Variants in NRXN3 observed in about 807,000 individuals in gnomAD.
NRXN3 encodes neurexin III.
A neutral mutation model predicts 137.6 loss-of-function variants in NRXN3; 32 were observed. The ratio of observed to expected loss-of-function variants is 0.23; its 90% CI spans 0.18 to 0.31. The LOEUF is 0.31. Among genes scored for constraint, NRXN3 ranks in the 10% least tolerant of loss-of-function variants. The pLI is 1.00. For missense variants in NRXN3, 1,574 were observed against 2,062.5 expected (o/e 0.76, Z 4.59); for synonymous variants, 798 against 784.5 (o/e 1.02, Z -0.29).
At chr14:78,496,107 G>A (rs1429970508) in intron 4 of NRXN3, among the ~76,000 whole-genome samples, 1 of 152,150 alleles carries the variant, frequency 6.6e-6, no homozygotes. Flanking sequence ...TAATGACCTG[G>A]ATAGAGTCCC....
At chr14:79,422,861 G>A (rs902466943) in intron 15 of NRXN3, among the ~76,000 whole-genome samples, 7 of 151,678 alleles carry the variant, frequency 4.6e-5, no homozygotes, top group East Asian at 3.9e-4. Flanking sequence ...CACCATGCCC[G>A]GCTAATTTTT....
At chr14:79,675,560 A>G (rs914700635) in intron 17 of NRXN3, among the ~76,000 whole-genome samples, 1 of 152,100 alleles carries the variant, frequency 6.6e-6, no homozygotes, top group African/African-American at 2.4e-5. Context: ...TCTGTTTGGA[A>G]TAAAGAGAGC....
chr14:78,418,398 G>A (rs2093264343), intron 4 of NRXN3, among the ~76,000 whole-genome samples: 1 of 152,120 alleles, frequency 6.6e-6, no homozygotes, highest in Admixed American at 6.5e-5. Context: ...TAGAAATAAG[G>A]AATCTTGGAG....
intron 19 of NRXN3, among the ~76,000 whole-genome samples, chr14:79,730,337 C>T (rs1220360092): frequency 1.3e-5 from 2 of 152,084 alleles, no homozygotes; most frequent in Non-Finnish European, 2.9e-5. Context: ...AAGCCCCCTC[C>T]CACTACACAG....
intron 15 of NRXN3, among the ~76,000 whole-genome samples, chr14:79,314,384 C>T (rs1300403729): frequency 9.0e-5 from 4 of 44,284 alleles, no homozygotes; most frequent in Non-Finnish European, 1.4e-4. Flanking sequence ...CACCACGAGA[C>T]TATATCCCAC....
chr14:78,577,160 C>T (rs1020456826), intron 4 of NRXN3, among the ~76,000 whole-genome samples: 1 of 152,162 alleles, frequency 6.6e-6, no homozygotes, highest in Non-Finnish European at 1.5e-5. Flanking sequence ...TCTGAATATT[C>T]AGTAATCCAT....
rs796187079 is a variant in NRXN3, at chr14:78,979,135, C to T, written c.3143-8887C>T. On this transcript the variant is annotated intron_variant, in intron 14 of 20. Transcript: ENST00000335750. ...CACTGGGGACCATCTGCTTTATTCT[C>T]TTCACCAGTTAAAATGCTAATCTCA... is the stretch of plus-strand genomic sequence containing the variant. Among the ~76,000 whole-genome samples the T allele has an allele frequency of 1.8e-4, 28 of 152,194 alleles. No individual in the cohort carries two copies. The East Asian group carries it at 5.2e-3, about 28-fold the overall frequency.
chr14:79,034,515 G>A (rs2099613065), intron 15 of NRXN3, among the ~76,000 whole-genome samples: 1 of 152,146 alleles, frequency 6.6e-6, no homozygotes, highest in Admixed American at 6.6e-5. Flanking sequence ...TGGGAAATAG[G>A]AAAAGTGGCA....
At chr14:78,281,448 C>T (rs1006025051) in intron 3 of NRXN3, among the ~76,000 whole-genome samples, 2 of 152,104 alleles carry the variant, frequency 1.3e-5, no homozygotes, top group Non-Finnish European at 2.9e-5. Context: ...AGAAGTAACC[C>T]TACTGTAAAG....
intron 15 of NRXN3, among the ~76,000 whole-genome samples, chr14:79,035,138 C>A (rs2099614012): frequency 6.6e-6 from 1 of 152,038 alleles, no homozygotes; most frequent in African/African-American, 2.4e-5. Context: ...AAATGTAAAC[C>A]TATTTTTTAA....
chr14:78,548,326 G>T (rs1381927879), intron 4 of NRXN3, among the ~76,000 whole-genome samples: 1 of 152,008 alleles, frequency 6.6e-6, no homozygotes, highest in Admixed American at 6.5e-5. Flanking sequence ...AGTTCTCAAG[G>T]TTCAAATTTC....
intron 10 of NRXN3, among the ~76,000 whole-genome samples, chr14:78,841,386 C>T (rs1254674123): frequency 3.3e-5 from 5 of 151,908 alleles, no homozygotes; most frequent in African/African-American, 1.2e-4. Flanking sequence ...ACCCGGGTTC[C>T]TGGAGCTCCT....
At chr14:79,013,493 G>A (rs976120494) in intron 15 of NRXN3, among the ~76,000 whole-genome samples, 55 of 152,184 alleles carry the variant, frequency 3.6e-4, no homozygotes, top group African/African-American at 1.3e-3. Context: ...TGCCCTCACA[G>A]GGGTTATTAA....
At chr14:78,558,300 T>C (rs1249118948) in intron 4 of NRXN3, among the ~76,000 whole-genome samples, 2 of 152,204 alleles carry the variant, frequency 1.3e-5, no homozygotes, top group African/African-American at 2.4e-5. Flanking sequence ...GAGTCACCTT[T>C]CTAGATGGAT....
intron 12 of NRXN3, 43 bp downstream of exon 12, chr14:78,966,449 T>C (rs1322737447): frequency 6.4e-7 from 1 of 1,563,658 alleles, no homozygotes; most frequent in Non-Finnish European, 8.7e-7. Context: ...ACCTTTAATC[T>C]ACTGAAGCTC....
intron 15 of NRXN3, among the ~76,000 whole-genome samples, chr14:79,316,143 A>G (rs1209891777): frequency 1.3e-5 from 2 of 152,228 alleles, no homozygotes; most frequent in Non-Finnish European, 2.9e-5. Flanking sequence ...TGTTCTCAAG[A>G]CAGGAACATG....
At chr14:79,773,283 TA>T in intron 19 of NRXN3, among the ~76,000 whole-genome samples, 1 of 152,198 alleles carries the variant, frequency 6.6e-6, no homozygotes, top group East Asian at 1.9e-4. Context: ...ACTGGGTATA[TA>T]CCCAAAGGAC....
At chr14:79,272,147 G>C (rs752239274) in intron 15 of NRXN3, among the ~76,000 whole-genome samples, 1 of 151,240 alleles carries the variant, frequency 6.6e-6, no homozygotes, top group Non-Finnish European at 1.5e-5. Context: ...CTTTGTTCTA[G>C]CACTTATCAC....
At chr14:78,609,338 G>A (rs949162809) in intron 4 of NRXN3, among the ~76,000 whole-genome samples, 1 of 151,984 alleles carries the variant, frequency 6.6e-6, no homozygotes, top group Non-Finnish European at 1.5e-5. Context: ...ACTTAGGAAA[G>A]TAAAGCCAGG....
Sources: allele counts gnomAD v4.1 joint callset (sites outside exome capture counted in the v4.1 genomes callset), GRCh38; gene constraint gnomAD v4.1.1; transcripts MANE v1.5; gene names NCBI Gene and HGNC (gene_info 2026-07-23, HGNC 2026-07-21).